PER1: variants seen among roughly 807,000 people sequenced by gnomAD.
PER1 encodes the protein period circadian protein homolog 1.
Under a neutral mutation model 125.9 loss-of-function variants are expected in PER1, and 87 were observed. The observed-to-expected ratio is 0.69, with a 90% CI of 0.58 to 0.83. The LOEUF (loss-of-function observed/expected upper bound fraction) is 0.83, where lower values mean the gene tolerates loss of function less well. Ranked by LOEUF, PER1 falls within the 40% of genes least tolerant of loss-of-function variation. The pLI, the probability that PER1 is intolerant of heterozygous loss-of-function variation, is 0.00. For missense variants in PER1, 1,775 were observed against 1,722.8 expected (o/e 1.03, Z -0.54); for synonymous variants, 801 against 714.7 (o/e 1.12, Z -1.93).
In PER1 at chr17:8,150,593, G is replaced by C; in HGVS notation, c.114C>G (p.Gly38=). The change falls in exon 2 of 23, where the codon GGC becomes GGG. Residue 38 remains glycine (G), a synonymous_variant. Transcript: ENST00000317276. ...CATCGGTGTCATCGGCCAGGCTGGG[G>C]CCTGGGCAAGGCCGGTGCTGTGGGG... ...PGPPQHRPCP[G]PSLADDTDAN... is the part of the protein sequence containing the mutation. The C allele has an allele frequency of 6.2e-7, 1 of 1,613,962 alleles. No individual in the cohort carries two copies. Among genetic ancestry groups the C allele is most frequent in the South Asian group, 1.1e-5 (1 of 91,078 alleles).
rs755297409 is a variant in PER1, at chr17:8,142,748, C to T, written c.3160G>A (p.Gly1054Ser). 1.9e-6 allele frequency: 3 copies of T among 1,613,788 alleles called. No homozygotes were observed. Among genetic ancestry groups the T allele is most frequent in the Non-Finnish European group, 2.5e-6 (3 of 1,180,010 alleles). The change falls in exon 20 of 23, where the codon GGC (glycine) becomes AGC (serine). Residue 1054 changes from glycine to serine, a missense_variant. Gly to Ser is a moderately conservative substitution (Grantham distance 56). Transcript: ENST00000317276. ...ELLLQEDSRS[G>S]TGSAASGSLG... ...GAGCCCGAGGCTGCGGAGCCTGTGC[C>T]GGAGCGCGAGTCCTCTTGCAGCAGA...
rs1029953836 is a variant in PER1 at position 8,150,263 on chromosome 17, C to T, written c.330G>A (p.Leu110=). The T allele has an allele frequency of 6.4e-7, 1 of 1,571,318 alleles. No homozygotes were observed. Among genetic ancestry groups the T allele is most frequent in the Non-Finnish European group, 8.7e-7 (1 of 1,154,932 alleles). The change falls in exon 3 of 23, where the codon CTG becomes CTA. Residue 110 remains leucine, a synonymous_variant. Transcript: ENST00000317276. ...GGTTGTCCTGCTCTGAGCTGGCACT[C>T]AGGAGGCTGTAGGCAATGGAACTGC... ...PPSSSIAYSL[L]SASSEQDNPS...
At position 8,150,694 on chromosome 17, in the gene PER1, G is replaced by C. The variant is rs377036738; in HGVS notation, c.13C>G (p.Leu5Val). Reference protein sequence around the residue: MSGPLEGADGGGDPR... With the variant: MSGPVEGADGGGDPR... ...TCCCCTCCCCCATCAGCCCCTTCTA[G>C]GGGGCCACTCATGTCTGGGCCATGG... The change falls in exon 2 of 23, where the codon CTA becomes GTA. Residue 5 changes from leucine to valine, a missense_variant. By Grantham distance (32) the Leu-to-Val change is conservative. Coordinates refer to ENST00000317276, the MANE Select transcript of PER1 (RefSeq NM_002616.3). 1.7e-5 allele frequency: 27 copies of C among 1,563,912 alleles called. No individual in the cohort carries two copies. Among genetic ancestry groups the C allele is most frequent in the Non-Finnish European group, 2.2e-5 (26 of 1,160,110 alleles).
chr17:8,140,561 G>A lies in PER1; in HGVS notation c.*507C>T, dbSNP rs2735608. Reference sequence around the variant, plus strand: ...ATCGGCAGAGGGTACAGCTGAGAACGCCTGGGTCCCACCTGAGGGGCAGCA... The same window carrying A: ...ATCGGCAGAGGGTACAGCTGAGAACACCTGGGTCCCACCTGAGGGGCAGCA... On this transcript the variant is annotated 3_prime_UTR_variant, in exon 23 of 23. Transcript: ENST00000317276. The A allele has an allele frequency of 1.3e-5, 3 of 230,586 alleles. No individual in the cohort carries two copies. Among genetic ancestry groups the A allele is most frequent in the Admixed American group, 1.1e-4 (2 of 18,052 alleles). The allele number at this position is 230,586 out of a possible 1,614,324, so 14.3% of individuals were successfully genotyped here. A position where few individuals can be genotyped will look rare whatever the true frequency, so the allele number is the denominator to read the frequency against.
Position 8,140,818 on chromosome 17 carries a change from G to C in PER1, c.*250C>G, listed in dbSNP as rs909099769. 3 of 470,188 alleles carry C rather than the reference G, an allele frequency of 6.4e-6. No homozygotes were observed. The allele number at this position is 470,188 out of a possible 1,614,324, so 29.1% of individuals were successfully genotyped here. ...TTGTCAGCAACTTTGTCCAGGGGAG[G>C]GAAGGATTCCTCTCCAAAGGTGGGA... On this transcript the variant is annotated 3_prime_UTR_variant, in exon 23 of 23. Coordinates refer to ENST00000317276, the MANE Select transcript of PER1 (RefSeq NM_002616.3).
chr17:8,150,406 G>C (rs1982781160), intron 2 of PER1, 26 bp downstream of exon 2: 1 of 1,587,026 alleles, frequency 6.3e-7, no homozygotes, highest in African/African-American at 1.3e-5. Flanking sequence ...ACCATTCCTA[G>C]ACCCAACATA....
chr17:8,148,314 G>A, intron 8 of PER1, 55 bp from the exon 9 acceptor site: 1 of 1,438,014 alleles, frequency 7.0e-7, no homozygotes, highest in Non-Finnish European at 9.8e-7. Context: ...CAACTCCTCA[G>A]CCCTCCACTC....
Position 8,143,801 on chromosome 17 carries a change from T to G in PER1, c.2537A>C (p.Gln846Pro), listed in dbSNP as rs1363448952. 6.2e-7 allele frequency: 1 copy of G among 1,611,580 alleles called. No homozygotes were observed. The highest frequency in any genetic ancestry group is 1.7e-5 in the Admixed American group (1 of 59,776). ...GCAGGGCGCTTCAGCCCGAGGGTTC[T>G]GGTGGTGGCGTGAGCGCTTGGCTTT... is the stretch of plus-strand genomic sequence containing the variant. ...RSKAKRSRHHQNPRAEAPCYV... is the reference protein window; with the variant it reads ...RSKAKRSRHHPNPRAEAPCYV... The change falls in exon 19 of 23, where the codon CAG (glutamine) becomes CCG (proline). Residue 846 changes from glutamine to proline, a missense_variant. By Grantham distance (76) the Gln-to-Pro change is moderately conservative. Transcript: ENST00000317276.
intron 16 of PER1, 95 bp downstream of exon 16, chr17:8,146,277 A>C: frequency 1.3e-6 from 2 of 1,528,634 alleles, no homozygotes; most frequent in Non-Finnish European, 1.8e-6. Flanking sequence ...GGAGGAGAGC[A>C]GGGCAGAGCA....
rs762681477 is a variant in PER1 at position 8,143,407 on chromosome 17, T to A, written c.2931A>T (p.Arg977Ser). The A allele has an allele frequency of 6.2e-7, 1 of 1,613,132 alleles. No individual in the cohort carries two copies. The highest frequency in any genetic ancestry group is 1.3e-5 in the African/African-American group (1 of 74,776). Residue 977 changes from arginine to serine, a missense_variant, in exon 19 of 23, where the codon AGA (arginine) becomes AGT (serine). Transcript: ENST00000317276. ...HRPDSPLFNS[R>S]CSSPLQLNLL... is the part of the protein sequence containing the mutation. ...GATTGAGCTGGAGTGGAGAGCTGCATCTCGAGTTGAACAGTGGAGAGTCCG... is the reference window on the plus strand; with the variant it reads ...GATTGAGCTGGAGTGGAGAGCTGCAACTCGAGTTGAACAGTGGAGAGTCCG...
chr17:8,140,520 C>A lies in PER1; in HGVS notation c.*548G>T. 2 of 213,710 alleles carry A rather than the reference C, an allele frequency of 9.4e-6. No individual in the cohort carries two copies. The highest frequency in any genetic ancestry group is 9.5e-6 in the Non-Finnish European group (1 of 105,638). 13.2% of individuals were successfully genotyped at this position (213,710 alleles called of 1,614,324 possible). A position where few individuals can be genotyped will look rare whatever the true frequency, so the allele number is the denominator to read the frequency against. ...AAAAAGTAGTAACAGACACAAATAT[C>A]AAAAACACAAATGCCATCGGCAGAG... On this transcript the variant is annotated 3_prime_UTR_variant, in exon 23 of 23. Coordinates refer to ENST00000317276, the MANE Select transcript of PER1 (RefSeq NM_002616.3).
At chr17:8,143,982 C>G (rs1022914037) in intron 18 of PER1, 106 bp from the exon 19 acceptor site, 1 of 1,465,316 alleles carries the variant, frequency 6.8e-7, no homozygotes, top group African/African-American at 1.4e-5. Flanking sequence ...GCCAAGGTCC[C>G]AGAGAGAGCT....
At position 8,150,728 on chromosome 17, in the gene PER1, G is replaced by T; in HGVS notation, c.-22C>A. 6.6e-7 allele frequency: 1 copy of T among 1,512,070 alleles called. No individual in the cohort carries two copies. The highest frequency in any genetic ancestry group is 8.8e-7 in the Non-Finnish European group (1 of 1,138,678). The allele number at this position is 1,512,070 out of a possible 1,614,324, so 93.7% of individuals were successfully genotyped here. ...TCATGTCTGGGCCATGGGGAGAACA[G>T]AACAGAGAAGGCAGAGAGGCCACCA... On this transcript the variant is annotated 5_prime_UTR_variant, in exon 2 of 23. In the 5' UTR this introduces an upstream ATG that the reference lacks. Transcript: ENST00000317276.
At position 8,145,899 on chromosome 17, in the gene PER1, G is replaced by A. The variant is rs1024941642; in HGVS notation, c.2218+59C>T. The A allele has an allele frequency of 6.6e-6, 10 of 1,522,860 alleles. No homozygotes were observed. The African/African-American group carries it at 9.7e-5, about 15-fold the overall frequency. The allele number at this position is 1,522,860 out of a possible 1,614,324, so 94.3% of individuals were successfully genotyped here. A position where few individuals can be genotyped will look rare whatever the true frequency, so the allele number is the denominator to read the frequency against. On this transcript the variant is annotated intron_variant, in intron 17 of 22. Transcript: ENST00000317276. ...TAGAGGGGAGGGGAAAGGCAGGAGG[G>A]AGCTCTAGCTGGGAGACCGGTGGAG...
intron 1 of PER1, 111 bp from the exon 2 acceptor site, chr17:8,150,956 G>A (rs1320788301): frequency 2.5e-5 from 12 of 470,722 alleles, no homozygotes; most frequent in African/African-American, 2.0e-4. Flanking sequence ...GGACTGATGG[G>A]AGTGGAACCC....
chr17:8,150,303 C>A lies in PER1; in HGVS notation c.290G>T (p.Ser97Ile), dbSNP rs766369146. ...AATGGAACTGCTGGGTGGGGATGGGCTCTGAGAGTTTGTGCTAGGAGACAG... is the reference window on the plus strand; with the variant it reads ...AATGGAACTGCTGGGTGGGGATGGGATCTGAGAGTTTGTGCTAGGAGACAG... ...TESSKSTNSQSPSPPSSSIAY... is the reference protein window; with the variant it reads ...TESSKSTNSQIPSPPSSSIAY... Residue 97 changes from serine (S) to isoleucine (I), a missense_variant, in exon 3 of 23, where the codon AGC (serine) becomes ATC (isoleucine). Physicochemically the swap from Ser to Ile is moderately radical, Grantham distance 142 (BLOSUM62 -2). Coordinates refer to ENST00000317276, the MANE Select transcript of PER1 (RefSeq NM_002616.3). The A allele has an allele frequency of 6.4e-7, 1 of 1,555,082 alleles. No homozygotes were observed. Among genetic ancestry groups the A allele is most frequent in the South Asian group, 1.2e-5 (1 of 82,318 alleles).
rs774552220 is a variant in PER1, at chr17:8,146,343, A to G, written c.2038+29T>C. 1.4e-5 allele frequency: 22 copies of G among 1,576,894 alleles called. No individual in the cohort carries two copies. In the Admixed American group the frequency reaches 3.9e-4, roughly 28 times the overall value. ...CAGGGCCACCAGGCCAGGACGGGGCAGTGGGAGCAGGGTGCATTGGATCTT... is the reference window on the plus strand; with the variant it reads ...CAGGGCCACCAGGCCAGGACGGGGCGGTGGGAGCAGGGTGCATTGGATCTT... On this transcript the variant is annotated intron_variant, in intron 16 of 22. Transcript: ENST00000317276.
rs953463636 is a variant in PER1 at position 8,150,109 on chromosome 17, G to C, written c.391C>G (p.Arg131Gly). ...TSGCSSEQSA[R>G]ARTQKELMTA... ...ATGAGTTCCTTCTGAGTCCTTGCCCGGGCTGACTGTTCACTGCTGCGGGGC... is the reference window on the plus strand; with the variant it reads ...ATGAGTTCCTTCTGAGTCCTTGCCCCGGCTGACTGTTCACTGCTGCGGGGC... The change falls in exon 4 of 23, where the codon CGG becomes GGG. Residue 131 changes from arginine to glycine, a missense_variant. Transcript: ENST00000317276. The C allele has an allele frequency of 6.2e-7, 1 of 1,613,958 alleles. No homozygotes were observed. Among genetic ancestry groups the C allele is most frequent in the African/African-American group, 1.3e-5 (1 of 74,908 alleles).
At position 8,140,713 on chromosome 17, in the gene PER1, C is replaced by A. The variant is rs574451005; in HGVS notation, c.*355G>T. 1.1e-5 allele frequency: 3 copies of A among 261,306 alleles called. 1 individual carries two copies. The South Asian group carries it at 3.7e-4, about 32-fold the overall frequency. The allele number at this position is 261,306 out of a possible 1,614,324, so 16.2% of individuals were successfully genotyped here. ...GGAGGTGGGAGAGAGAGCTGTCTCCCCGCAATAAATAAGTGCAGCCCCAAC... is the reference window on the plus strand; with the variant it reads ...GGAGGTGGGAGAGAGAGCTGTCTCCACGCAATAAATAAGTGCAGCCCCAAC... On this transcript the variant is annotated 3_prime_UTR_variant, in exon 23 of 23. Coordinates refer to ENST00000317276, the MANE Select transcript of PER1 (RefSeq NM_002616.3).
Sources: gnomAD v4.1 joint callset for allele counts on GRCh38, gnomAD v4.1.1 for gene constraint, MANE v1.5 for transcripts, NCBI Gene and HGNC (gene_info 2026-07-23, HGNC 2026-07-21) for gene names.